Variants in MCCC2 observed in about 807,000 individuals in gnomAD.
MCCC2 encodes methylcrotonoyl-CoA carboxylase beta chain, mitochondrial.
In MCCC2, 52 loss-of-function variants were observed where a neutral mutation model predicts 77.2. That is an observed-to-expected ratio of 0.67 (90% confidence interval 0.54 to 0.85). The LOEUF is 0.85. Ranked by LOEUF, MCCC2 falls within the 40% of genes least tolerant of loss-of-function variation. The pLI is 0.00. For synonymous variants in MCCC2, 253 were observed against 248.4 expected, an observed-to-expected ratio of 1.02 and a Z score of -0.18; for missense variants, 682 against 703.2, an observed-to-expected ratio of 0.97 and a Z score of 0.34.
chr5:71,632,044 G>T, intron 7 of MCCC2, 77 bp from the exon 8 acceptor site: 1 of 1,208,112 alleles, frequency 8.3e-7, no homozygotes, highest in Non-Finnish European at 1.2e-6. Flanking sequence ...AGTCAGGTGA[G>T]GAGTTGTGCA....
intron 6 of MCCC2, among the ~76,000 whole-genome samples, chr5:71,626,419 A>G (rs1303236892): frequency 6.6e-6 from 1 of 152,196 alleles, no homozygotes; most frequent in Non-Finnish European, 1.5e-5. Context: ...GATTGTCCAT[A>G]AGTTTTGTAA....
intron 6 of MCCC2, among the ~76,000 whole-genome samples, chr5:71,606,375 T>C (rs1451660874): frequency 6.6e-6 from 1 of 152,150 alleles, no homozygotes; most frequent in Non-Finnish European, 1.5e-5. Context: ...GGCTCTCTGT[T>C]TGTCTGTTGT....
intron 5 of MCCC2, among the ~76,000 whole-genome samples, chr5:71,603,827 T>C (rs1209635246): frequency 6.6e-6 from 1 of 152,216 alleles, no homozygotes; most frequent in Non-Finnish European, 1.5e-5. Flanking sequence ...GCTCCTTTTT[T>C]TATCTTCATT....
At chr5:71,645,232 C>G (rs1419131634) in intron 12 of MCCC2, among the ~76,000 whole-genome samples, 1 of 152,134 alleles carries the variant, frequency 6.6e-6, no homozygotes, top group Non-Finnish European at 1.5e-5. Context: ...GAAATAAGCC[C>G]CAAAGGTCTA....
intron 7 of MCCC2, 106 bp downstream of exon 7, chr5:71,626,859 C>A: frequency 9.4e-7 from 1 of 1,068,414 alleles, no homozygotes; most frequent in Non-Finnish European, 1.4e-6. Flanking sequence ...ATAAAATATG[C>A]ATAACATAAA....
chr5:71,602,721 G>A, intron 5 of MCCC2, 88 bp downstream of exon 5: 1 of 1,573,440 alleles, frequency 6.4e-7, no homozygotes, highest in South Asian at 1.1e-5. Context: ...ATTTGGGATG[G>A]GTATTTTATA....
intron 1 of MCCC2, 79 bp from the exon 2 acceptor site, chr5:71,592,847 T>G: frequency 1.7e-6 from 2 of 1,149,822 alleles, no homozygotes; most frequent in South Asian, 2.6e-5. Context: ...TGTTTTTTTT[T>G]TTTTTTTGAC....
chr5:71,619,990 C>CA (rs368269667), intron 6 of MCCC2, among the ~76,000 whole-genome samples: 11,297 of 123,524 alleles, frequency 0.091, 530 homozygotes, highest in South Asian at 0.15. Context: ...GACTCTGTCT[C>CA]AAAAAAAAAA....
At chr5:71,652,549 T>A in intron 15 of MCCC2, 120 bp from the exon 16 acceptor site, 1 of 788,622 alleles carries the variant, frequency 1.3e-6, no homozygotes, top group Non-Finnish European at 2.2e-6. Flanking sequence ...TACATCACTA[T>A]GCACATGTTA....
chr5:71,623,751 C>G (rs1373962930), intron 6 of MCCC2, among the ~76,000 whole-genome samples: 1 of 152,154 alleles, frequency 6.6e-6, no homozygotes, highest in African/African-American at 2.4e-5. Context: ...ATCTCCTGTC[C>G]TTTTCTGAGC....
At chr5:71,614,017 T>C (rs1746064276) in intron 6 of MCCC2, among the ~76,000 whole-genome samples, 1 of 120,748 alleles carries the variant, frequency 8.3e-6, no homozygotes, top group African/African-American at 3.0e-5. Flanking sequence ...ATATTATGTA[T>C]AACGTATATA....
intron 10 of MCCC2, among the ~76,000 whole-genome samples, chr5:71,640,748 C>T (rs1483390324): frequency 6.6e-6 from 1 of 152,138 alleles, no homozygotes; most frequent in African/African-American, 2.4e-5. Flanking sequence ...AGCAACCAGC[C>T]CTTGGAGCCT....
intron 11 of MCCC2, among the ~76,000 whole-genome samples, chr5:71,643,377 A>G (rs1167445162): frequency 7.2e-5 from 11 of 152,114 alleles, no homozygotes; most frequent in African/African-American, 2.7e-4. Flanking sequence ...ACAGAGTGAG[A>G]CCTTGTCTCA....
chr5:71,602,867 C>T (rs1482184158), intron 5 of MCCC2: 2 of 546,322 alleles, frequency 3.7e-6, no homozygotes, highest in Non-Finnish European at 6.2e-6. Context: ...GTTTTTTTCT[C>T]TATGTGTTGT....
At position 71,618,519 on chromosome 5, in the gene MCCC2, T is replaced by G. The variant is rs866412872; in HGVS notation, c.625-8121T>G. On this transcript the variant is annotated intron_variant, in intron 6 of 16. Transcript: ENST00000340941. The stretch of plus-strand genomic sequence containing the variant: ...TTCCTTCCTTCCTTCCTTCCTTCCT[T>G]CCTTCCTTCCTTCCTTCCTTCCTTC... 1.7e-3 allele frequency among the ~76,000 whole-genome samples: 137 copies of G among 78,994 alleles called. 2 individuals carry two copies. The highest frequency in any genetic ancestry group is 4.6e-3 in the African/African-American group (115 of 25,164). The allele number at this position is 78,994 out of a possible 152,430, so 51.8% of individuals were successfully genotyped here.
intron 1 of MCCC2, among the ~76,000 whole-genome samples, chr5:71,591,529 C>T (rs903418266): frequency 1.3e-5 from 2 of 150,978 alleles, no homozygotes; most frequent in African/African-American, 2.4e-5. Flanking sequence ...CTCCGCCTCC[C>T]GGGTTCGAGG....
chr5:71,625,092 T>C (rs1746495018), intron 6 of MCCC2, among the ~76,000 whole-genome samples: 1 of 152,214 alleles, frequency 6.6e-6, no homozygotes, highest in African/African-American at 2.4e-5. Flanking sequence ...ACAGTTGCTT[T>C]CTCCTCCTTT....
Position 71,652,662 on chromosome 5 carries a change from C to T in MCCC2, c.1489-7C>T. ...AGCTGACTTACTCATGGCCTCTTTT[C>T]CTTTAGTTCTCCAGTGCTGATGAAG... On this transcript the variant is annotated splice_region_variant and splice_polypyrimidine_tract_variant and intron_variant, in intron 15 of 16. Transcript: ENST00000340941. 1 of 1,613,834 alleles carries T rather than the reference C, an allele frequency of 6.2e-7. No homozygotes were observed. Among genetic ancestry groups the T allele is most frequent in the Non-Finnish European group, 8.5e-7 (1 of 1,179,780 alleles).
chr5:71,614,659 T>A (rs1746098855), intron 6 of MCCC2, among the ~76,000 whole-genome samples: 1 of 152,040 alleles, frequency 6.6e-6, no homozygotes, highest in Admixed American at 6.6e-5. Flanking sequence ...AATTTTTGTA[T>A]TTTTAGTAGA....
Sources: allele counts gnomAD v4.1 joint callset (sites outside exome capture counted in the v4.1 genomes callset), GRCh38; gene constraint gnomAD v4.1.1; transcripts MANE v1.5; gene names NCBI Gene and HGNC (gene_info 2026-07-23, HGNC 2026-07-21).